FHL1: variants seen among roughly 807,000 people sequenced by gnomAD.
The protein encoded by FHL1 is four and a half LIM domains 1.
A neutral mutation model predicts 20.3 loss-of-function variants in FHL1; 1 was observed. That is an observed-to-expected ratio of 0.05 (90% CI 0.02 to 0.23). The LOEUF (loss-of-function observed/expected upper bound fraction) is 0.23, where lower values mean the gene tolerates loss of function less well. FHL1 is among the 10% of genes least tolerant of loss of function. The pLI is 1.00. For missense variants in FHL1, 177 were observed against 234.0 expected, an observed-to-expected ratio of 0.76 and a Z score of 1.59; for synonymous variants, 82 against 88.9, an observed-to-expected ratio of 0.92 and a Z score of 0.44.
chrX:136,157,293 A>C (rs1017734216), intron 1 of FHL1, among the ~76,000 whole-genome samples: 1 of 111,330 alleles, frequency 9.0e-6, no homozygotes, highest in Non-Finnish European at 1.9e-5. Context: ...AATCCCTTCT[A>C]GGCCACAGAA....
At chrX:136,154,699 T>C (rs951350450) in intron 1 of FHL1, among the ~76,000 whole-genome samples, 32 of 111,611 alleles carry the variant, frequency 2.9e-4, no homozygotes, top group African/African-American at 1.0e-3. Flanking sequence ...ATTGTTGTTT[T>C]AATCTGGCAT....
chrX:136,200,251 A>C (rs773225693), intron 1 of FHL1, among the ~76,000 whole-genome samples: 1 of 112,463 alleles, frequency 8.9e-6, no homozygotes, highest in South Asian at 3.7e-4. Context: ...AATTTAGTTA[A>C]TTTTTAATTA....
intron 1 of FHL1, among the ~76,000 whole-genome samples, chrX:136,161,072 T>C (rs973273631): frequency 1.2e-4 from 13 of 112,017 alleles, no homozygotes; most frequent in African/African-American, 4.2e-4. Context: ...AATCATAATA[T>C]GTTTGTTTCC....
rs749824396 is a variant in FHL1 at position 136,162,819 on chromosome X, G to A, written c.-100-7088G>A. Reference sequence around the variant, plus strand: ...TCTGGGGGAACTTTGTTGGGGGTGGGGCGCTGACTTTGTTTGTGCTGCTGT... The same window carrying A: ...TCTGGGGGAACTTTGTTGGGGGTGGAGCGCTGACTTTGTTTGTGCTGCTGT... On this transcript the variant is annotated intron_variant, in intron 1 of 7. Transcript: ENST00000394155. 4.5e-5 allele frequency among the ~76,000 whole-genome samples: 5 copies of A among 111,932 alleles called. No individual in the cohort carries two copies. In the South Asian group the frequency reaches 1.5e-3, roughly 34 times the overall value.
At chrX:136,189,668 C>G (rs1312265852) in intron 2 of FHL1, among the ~76,000 whole-genome samples, 2 of 111,746 alleles carry the variant, frequency 1.8e-5, no homozygotes, top group South Asian at 3.7e-4. Context: ...TACATAGGTA[C>G]TATTATCATC....
chrX:136,183,644 C>A (rs1411087121), intron 2 of FHL1, among the ~76,000 whole-genome samples: 1 of 112,230 alleles, frequency 8.9e-6, no homozygotes, highest in Admixed American at 9.5e-5. Context: ...GCAGTTCATA[C>A]ATGCAGTACC....
At chrX:136,167,645 G>T (rs1178242787), upstream of FHL1, among the ~76,000 whole-genome samples, 1 of 111,644 alleles carries the variant, frequency 9.0e-6, no homozygotes, top group African/African-American at 3.3e-5. Flanking sequence ...TCCCAGTCTG[G>T]TTACTAGAAG....
At chrX:136,185,808 G>A (rs1490548607) in intron 2 of FHL1, among the ~76,000 whole-genome samples, 1 of 111,695 alleles carries the variant, frequency 9.0e-6, no homozygotes, top group Non-Finnish European at 1.9e-5. Context: ...TTTATATAAC[G>A]AACGTGGATG....
At chrX:136,178,034 T>G (rs1000365223) in intron 2 of FHL1, among the ~76,000 whole-genome samples, 3 of 112,205 alleles carry the variant, frequency 2.7e-5, no homozygotes. Flanking sequence ...ATACAAATTT[T>G]ATTATGATCA....
chrX:136,196,828 C>T (rs1157901027), upstream of FHL1: 2 of 1,165,384 alleles, frequency 1.7e-6, no homozygotes, highest in Admixed American at 5.2e-5. Flanking sequence ...GCCTCTCTGG[C>T]TCTGGAGCTA....
chrX:136,187,434 G>A (rs1269374668), intron 2 of FHL1, among the ~76,000 whole-genome samples: 1 of 112,504 alleles, frequency 8.9e-6, no homozygotes, highest in African/African-American at 3.2e-5. Context: ...TGAACAATAT[G>A]TGGTGTATCT....
At chrX:136,169,235 TGAG>T (rs1335301510), upstream of FHL1, 1 of 118,616 alleles carries the variant, frequency 8.4e-6, no homozygotes, top group African/African-American at 3.3e-5. Flanking sequence ...CGCACGGGCT[TGAG>T]GAGGGCAGCA....
At chrX:136,209,427 A>AGCTCCTCGAGGCCCGGTAAGT in intron 5 of FHL1, 1 of 1,210,717 alleles carries the variant, frequency 8.3e-7, no homozygotes, top group East Asian at 3.0e-5. Flanking sequence ...GAAGCTTAGC[A>AGCTCCTCGAGGCCCGGTAAGT]GCTCCTCGAG....
intron 4 of FHL1, 44 bp downstream of exon 4, chrX:136,208,005 G>A (rs6635245): frequency 8.4e-7 from 1 of 1,188,004 alleles, no homozygotes; most frequent in South Asian, 1.8e-5. Flanking sequence ...GTTTCTAGAA[G>A]TGTTTGACAG....
intron 2 of FHL1, among the ~76,000 whole-genome samples, chrX:136,185,123 GTTAAT>G (rs971282358): frequency 3.6e-5 from 4 of 112,157 alleles, no homozygotes; most frequent in African/African-American, 1.3e-4. Context: ...TAAAAATATT[GTTAAT>G]TTAATTTTAT....
intron 3 of FHL1, 166 bp downstream of exon 3, chrX:136,207,356 C>A: frequency 2.1e-6 from 1 of 481,390 alleles, no homozygotes; most frequent in Non-Finnish European, 3.5e-6. Flanking sequence ...CACATATATG[C>A]TCGCACACAC....
At chrX:136,170,593 A>G (rs1460588272) in intron 2 of FHL1, among the ~76,000 whole-genome samples, 1 of 111,582 alleles carries the variant, frequency 9.0e-6, no homozygotes, top group Non-Finnish European at 1.9e-5. Flanking sequence ...TCATTTAGCC[A>G]CAGTGGCTTG....
chrX:136,189,596 G>A (rs1349054180), intron 2 of FHL1, among the ~76,000 whole-genome samples: 2 of 111,841 alleles, frequency 1.8e-5, no homozygotes, highest in African/African-American at 6.5e-5. Context: ...TGCTTACTGT[G>A]TGCCAGCCAC....
At chrX:136,204,965 A>G (rs1434781945) in intron 1 of FHL1, 1 of 111,986 alleles carries the variant, frequency 8.9e-6, no homozygotes, top group Non-Finnish European at 1.9e-5. Context: ...CTGCTCATTT[A>G]TTTTCTCTCA....
Sources: gnomAD v4.1 joint callset for allele counts (sites outside exome capture counted in the v4.1 genomes callset) on GRCh38, gnomAD v4.1.1 for gene constraint, MANE v1.5 for transcripts, NCBI Gene and HGNC (gene_info 2026-07-23, HGNC 2026-07-21) for gene names.